Variants in TAOK3 observed in about 807,000 individuals in gnomAD.
The protein encoded by TAOK3 is TAO kinase 3.
TAOK3 carries 40 observed loss-of-function variants against 120.4 expected under a neutral mutation model. The ratio of observed to expected loss-of-function variants is 0.33; its 90% confidence interval spans 0.26 to 0.43. The LOEUF is 0.43. Ranked by LOEUF, TAOK3 falls within the 20% of genes least tolerant of loss-of-function variation. TAOK3 has a pLI of 1.00. For synonymous variants in TAOK3, 355 were observed against 387.5 expected, an observed-to-expected ratio of 0.92 and a Z score of 0.99; for missense variants, 821 against 1,112.1, an observed-to-expected ratio of 0.74 and a Z score of 3.72.
At chr12:118,233,609 A>C in intron 9 of TAOK3, 65 bp downstream of exon 9, 1 of 1,225,076 alleles carries the variant, frequency 8.2e-7, no homozygotes, top group East Asian at 2.4e-5. Context: ...TAAAAATACA[A>C]TGAAAATTCA....
intron 1 of TAOK3, among the ~76,000 whole-genome samples, chr12:118,270,101 C>G (rs987275871): frequency 1.2e-4 from 19 of 152,204 alleles, no homozygotes; most frequent in African/African-American, 4.6e-4. Context: ...TTAAGTAATA[C>G]TGTGTCACTA....
chr12:118,173,768 T>C (rs1266085996), intron 16 of TAOK3, among the ~76,000 whole-genome samples: 2 of 152,232 alleles, frequency 1.3e-5, no homozygotes, highest in Non-Finnish European at 2.9e-5. Flanking sequence ...AGAAGACTAC[T>C]TGTTAAGAAA....
chr12:118,230,228 T>C (rs1280183376), intron 9 of TAOK3, among the ~76,000 whole-genome samples: 1 of 152,080 alleles, frequency 6.6e-6, no homozygotes, highest in Admixed American at 6.6e-5. Flanking sequence ...AAATGAGCCA[T>C]CATTTCCCCA....
rs809449 is a variant in TAOK3 at position 118,207,321 on chromosome 12, C to T, written c.819+5593G>A. On this transcript the variant is annotated intron_variant, in intron 11 of 20. Coordinates refer to ENST00000392533, the MANE Select transcript of TAOK3 (RefSeq NM_016281.4). The stretch of plus-strand genomic sequence containing the variant: ...AGCATGGGCAACAAGAGCGAAACTC[C>T]GTCTCAGGAAAAAAAAAAAAAAAAG... Among the ~76,000 whole-genome samples, 195 of 147,010 alleles carry T rather than the reference C, an allele frequency of 1.3e-3. 1 individual carries two copies. Among genetic ancestry groups the T allele is most frequent in the African/African-American group, 4.6e-3 (183 of 39,760 alleles).
intron 1 of TAOK3, among the ~76,000 whole-genome samples, chr12:118,277,406 T>C (rs900269456): frequency 1.3e-5 from 2 of 151,838 alleles, no homozygotes; most frequent in Admixed American, 1.3e-4. Flanking sequence ...GGCCCTGAAA[T>C]CCCAGCAACC....
chr12:118,165,574 T>C (rs987723526), intron 17 of TAOK3, among the ~76,000 whole-genome samples: 2 of 152,240 alleles, frequency 1.3e-5, no homozygotes, highest in Non-Finnish European at 1.5e-5. Flanking sequence ...TTCTGATATA[T>C]ATGAAAGTTT....
chr12:118,244,093 T>C (rs992305201), intron 4 of TAOK3, among the ~76,000 whole-genome samples: 2 of 152,214 alleles, frequency 1.3e-5, no homozygotes, highest in Non-Finnish European at 2.9e-5. Context: ...GTTTTTTTCC[T>C]TTTCAGGCAC....
intron 1 of TAOK3, among the ~76,000 whole-genome samples, chr12:118,289,481 T>TA (rs201524204): frequency 3.9e-4 from 59 of 150,680 alleles, no homozygotes; most frequent in South Asian, 1.7e-3. Flanking sequence ...CCCAAGAACT[T>TA]AAAAAAAAAT....
Position 118,161,837 on chromosome 12 carries a change from A to C in TAOK3, c.2090T>G (p.Leu697Arg), listed in dbSNP as rs753833918. 6.2e-7 allele frequency: 1 copy of C among 1,614,120 alleles called. No homozygotes were observed. Among genetic ancestry groups the C allele is most frequent in the South Asian group, 1.1e-5 (1 of 91,084 alleles). ...AAGTTCCATGACATGCTTTCTGTGCAGTTCTCTTTCTCGCCTCTTATTGTA... is the reference window on the plus strand; with the variant it reads ...AAGTTCCATGACATGCTTTCTGTGCCGTTCTCTTTCTCGCCTCTTATTGTA... ...LEYNKRRERE[L>R]HRKHVMELRQ... is the part of the protein sequence containing the mutation. The change falls in exon 18 of 21, where the codon CTG (leucine) becomes CGG (arginine). Residue 697 changes from leucine to arginine, a missense_variant. This residue lies in a region of TAOK3 where 354 missense variants were observed against 572.1 expected (regional missense o/e 0.62). Coordinates refer to ENST00000392533, the MANE Select transcript of TAOK3 (RefSeq NM_016281.4). This position sits in a 1 kb window ranked among gnomAD's most constrained non-coding sequence, Gnocchi z 4.5.
At chr12:118,200,026 A>G (rs1432706210) in intron 12 of TAOK3, 2 of 152,218 alleles carry the variant, frequency 1.3e-5, no homozygotes. Flanking sequence ...TTCTCAAAAA[A>G]CCATATGGTA....
At chr12:118,195,874 C>A (rs1052098701) in intron 13 of TAOK3, among the ~76,000 whole-genome samples, 1 of 151,934 alleles carries the variant, frequency 6.6e-6, no homozygotes, top group African/African-American at 2.4e-5. Context: ...CACGGTGAAA[C>A]CCTGTCTCTA....
chr12:118,179,947 G>GT (rs34157387), intron 15 of TAOK3, among the ~76,000 whole-genome samples: 61,146 of 118,118 alleles, frequency 0.52, 15,476 homozygotes, highest in Non-Finnish European at 0.56. Context: ...TGCCTGGCTG[G>GT]TTTTTTTTTT....
chr12:118,311,888 A>C (rs545566821), intron 1 of TAOK3, among the ~76,000 whole-genome samples: 1 of 152,278 alleles, frequency 6.6e-6, no homozygotes, highest in East Asian at 1.9e-4. Flanking sequence ...ACAGGGAATA[A>C]AACATGATTT....
At chr12:118,277,606 G>A (rs560194767) in intron 1 of TAOK3, among the ~76,000 whole-genome samples, 30 of 151,826 alleles carry the variant, frequency 2.0e-4, no homozygotes, top group African/African-American at 4.6e-4. Context: ...GAGTACAGGC[G>A]CGCACCACCA....
Position 118,201,320 on chromosome 12 carries a change from C to T in TAOK3, c.963G>A (p.Leu321=). ...CTTCCTCATCCTCCTGTGACTCATTCAAGGGTCCATTCCGTGTCTCTTGGA... is the reference window on the plus strand; with the variant it reads ...CTTCCTCATCCTCCTGTGACTCATTTAAGGGTCCATTCCGTGTCTCTTGGA... ...ILFQETRNGP[L]NESQEDEEDS... Residue 321 remains leucine (L), a synonymous_variant, in exon 12 of 21, where the codon TTG becomes TTA. Coordinates refer to ENST00000392533, the MANE Select transcript of TAOK3 (RefSeq NM_016281.4). The T allele has an allele frequency of 6.2e-7, 1 of 1,613,720 alleles. No individual in the cohort carries two copies. Among genetic ancestry groups the T allele is most frequent in the South Asian group, 1.1e-5 (1 of 91,050 alleles).
At chr12:118,189,529 GACACAGACACACACACAC>G (rs1335571782) in intron 14 of TAOK3, among the ~76,000 whole-genome samples, 4 of 83,324 alleles carry the variant, frequency 4.8e-5, no homozygotes, top group African/African-American at 1.4e-4. Flanking sequence ...AACACACACA[GACACAGACACACACACAC>G]ACACACACAC....
chr12:118,353,864 C>T (rs1415004160), intron 1 of TAOK3, among the ~76,000 whole-genome samples: 1 of 152,050 alleles, frequency 6.6e-6, no homozygotes, highest in Non-Finnish European at 1.5e-5. Flanking sequence ...AACGGCTAAA[C>T]ATTTTTTTTT....
chr12:118,318,210 C>T (rs531248721), intron 1 of TAOK3, among the ~76,000 whole-genome samples: 42 of 148,004 alleles, frequency 2.8e-4, no homozygotes, highest in Admixed American at 4.8e-4. Flanking sequence ...CAGGCTGGAG[C>T]GCAATGACGC....
chr12:118,153,882 A>T (rs1001535484), intron 19 of TAOK3, among the ~76,000 whole-genome samples: 1 of 152,244 alleles, frequency 6.6e-6, no homozygotes, highest in Non-Finnish European at 1.5e-5. Context: ...GAAACATACT[A>T]TAGAGATTAA....
Sources: allele counts gnomAD v4.1 joint callset (sites outside exome capture counted in the v4.1 genomes callset), GRCh38; gene constraint gnomAD v4.1.1; regional missense constraint gnomAD v4.1.1; non-coding constraint Gnocchi (gnomAD v3.1); transcripts MANE v1.5; gene names NCBI Gene and HGNC (gene_info 2026-07-23, HGNC 2026-07-21).